The following TBCB variants were observed in gnomAD, a reference collection of about 807,000 sequenced individuals.
TBCB encodes the protein tubulin-folding cofactor B.
A neutral mutation model predicts 29.2 loss-of-function variants in TBCB; 18 were observed. That is an observed-to-expected ratio of 0.62 (90% CI 0.43 to 0.91). The LOEUF (loss-of-function observed/expected upper bound fraction) is 0.91. TBCB is among the 40% of genes least tolerant of loss of function. The probability of loss-of-function intolerance (pLI) is 0.00; values close to 1 mark genes in which losing one functional copy is unlikely to be tolerated. For missense variants in TBCB, 336 were observed against 337.6 expected, an observed-to-expected ratio of 1.00 and a Z score of 0.04; for synonymous variants, 172 against 137.8, an observed-to-expected ratio of 1.25 and a Z score of -1.74.
chr19:36,124,312 C>G lies in TBCB; in HGVS notation c.548-1139C>G, dbSNP rs188499583. Among the ~76,000 whole-genome samples the G allele has an allele frequency of 3.7e-3, 562 of 152,234 alleles. 3 individuals carry two copies. The highest frequency in any genetic ancestry group is 0.016 in the Admixed American group (241 of 15,276). Reference sequence around the variant, plus strand: ...CTCAGCTCACTGCATCCTCTGCCTCCCGGGTTCAAGCAATTCTCATGCCTC... The same window carrying G: ...CTCAGCTCACTGCATCCTCTGCCTCGCGGGTTCAAGCAATTCTCATGCCTC... On this transcript the variant is annotated intron_variant, in intron 4 of 5. Transcript: ENST00000221855.
rs755612213 is a variant in TBCB, at chr19:36,125,734, GAC to G, written c.688_689del (p.Thr230GlyfsTer26). The G allele has an allele frequency of 1.3e-6, 2 of 1,571,478 alleles. No homozygotes were observed. The highest frequency in any genetic ancestry group is 1.7e-6 in the Non-Finnish European group (2 of 1,158,990). Reference sequence around the variant, plus strand: ...GCGCCTTTGTCAAGCCAGCAGTCGTGACGGTGGGGGACTTCCCGGAGGAGGAC... The same window carrying G: ...GCGCCTTTGTCAAGCCAGCAGTCGTGGGTGGGGGACTTCCCGGAGGAGGAC... Reference protein sequence around the residue: ...YGAFVKPAVVTVGDFPEEDYG... With the variant: ...YGAFVKPAVVXVGDFPEEDYG... On this transcript the variant is annotated frameshift_variant, in exon 6 of 6. Transcript: ENST00000221855. LOFTEE classifies it high-confidence loss of function.
intron 2 of TBCB, among the ~76,000 whole-genome samples, chr19:36,119,184 C>G (rs927549397): frequency 1.3e-5 from 2 of 152,168 alleles, no homozygotes; most frequent in Admixed American, 6.5e-5. Flanking sequence ...TTCTAAAATT[C>G]TTTTTCTCTT....
chr19:36,118,006 T>C (rs1973983596), intron 2 of TBCB: 1 of 151,970 alleles, frequency 6.6e-6, no homozygotes, highest in Non-Finnish European at 1.5e-5. Context: ...CCTCAGGTAA[T>C]CCGCCCACCT....
Position 36,115,538 on chromosome 19 carries a change from A to G in TBCB, c.-23A>G. ...GTGTGAGGCGGCTGGACCGCGCTGC[A>G]GGCATCCGCAGGGCGCGGCAAGATG... is the stretch of plus-strand genomic sequence containing the variant. On this transcript the variant is annotated 5_prime_UTR_variant, in exon 1 of 6. Coordinates refer to ENST00000221855, the MANE Select transcript of TBCB (RefSeq NM_001281.3). 6.4e-7 allele frequency: 1 copy of G among 1,566,368 alleles called. No homozygotes were observed. Among genetic ancestry groups the G allele is most frequent in the Non-Finnish European group, 8.7e-7 (1 of 1,150,998 alleles).
chr19:36,119,772 A>G (rs1330997276), intron 2 of TBCB, among the ~76,000 whole-genome samples: 1 of 151,824 alleles, frequency 6.6e-6, no homozygotes, highest in Non-Finnish European at 1.5e-5. Context: ...GTGTGCCTAT[A>G]GTTTCAGCTG....
At chr19:36,115,949 C>G in intron 1 of TBCB, 92 bp from the exon 2 acceptor site, 1 of 1,541,006 alleles carries the variant, frequency 6.5e-7, no homozygotes, top group Non-Finnish European at 8.8e-7. Flanking sequence ...ACTGGGGGGT[C>G]TTTTGGAGGA....
chr19:36,125,622 C>T (rs201692898), intron 5 of TBCB, 46 bp from the exon 6 acceptor site: 4 of 1,606,730 alleles, frequency 2.5e-6, no homozygotes, highest in Non-Finnish European at 3.4e-6. Flanking sequence ...AGAGTGGAGC[C>T]ATGTGAGGGT....
intron 4 of TBCB, 77 bp downstream of exon 4, chr19:36,121,795 T>C: frequency 6.6e-7 from 1 of 1,522,860 alleles, no homozygotes; most frequent in Non-Finnish European, 8.9e-7. Context: ...CAGTGGAGCC[T>C]CGGAGACCAC....
At chr19:36,120,833 GCGT>G in intron 3 of TBCB, 27 bp downstream of exon 3, 1 of 1,609,964 alleles carries the variant, frequency 6.2e-7, no homozygotes. Flanking sequence ...GTCGAGGGGT[GCGT>G]GGGGGCCAGA....
intron 4 of TBCB, among the ~76,000 whole-genome samples, chr19:36,122,979 C>G (rs76559835): frequency 0.014 from 2,156 of 152,244 alleles, 117 homozygotes; most frequent in South Asian, 0.12. Context: ...CCCCAGTCGT[C>G]TTCAGCCACT....
intron 4 of TBCB, among the ~76,000 whole-genome samples, chr19:36,122,572 A>C (rs977277138): frequency 4.4e-5 from 2 of 45,010 alleles, no homozygotes; most frequent in Non-Finnish European, 9.3e-5. Flanking sequence ...CTGTCTCTAC[A>C]AAAAAAAAAA....
chr19:36,121,880 G>A (rs1422582923), intron 4 of TBCB, 162 bp downstream of exon 4: 3 of 899,586 alleles, frequency 3.3e-6, no homozygotes, highest in Admixed American at 2.4e-5. Flanking sequence ...ACCATCTGCC[G>A]ACACTGACGG....
chr19:36,121,590 A>C lies in TBCB; in HGVS notation c.419A>C (p.Gln140Pro). ...LGRYNEEERA[Q>P]QEAEAAQRLA... ...CGGTACAACGAGGAGGAGCGGGCTC[A>C]GCAGGAGGCCGAGGCCGCCCAGCGC... is the stretch of plus-strand genomic sequence containing the variant. The change falls in exon 4 of 6, where the codon CAG becomes CCG. Residue 140 changes from glutamine (Q) to proline (P), a missense_variant. Transcript: ENST00000221855. 3 of 1,556,656 alleles carry C rather than the reference A, an allele frequency of 1.9e-6. No homozygotes were observed. The highest frequency in any genetic ancestry group is 2.6e-6 in the Non-Finnish European group (3 of 1,151,696).
chr19:36,115,188 G>T (rs1599861329), upstream of TBCB: 9 of 546,518 alleles, frequency 1.6e-5, no homozygotes, highest in Non-Finnish European at 2.6e-5. Flanking sequence ...AAGGCGCTTG[G>T]CTTGGTTGAA....
chr19:36,120,375 G>C (rs200864904), intron 2 of TBCB: 1 of 278,648 alleles, frequency 3.6e-6, no homozygotes, highest in East Asian at 8.0e-5. Flanking sequence ...GCCCATCGAG[G>C]AGATGCGCTG....
chr19:36,122,348 G>A (rs1974069772), intron 4 of TBCB, among the ~76,000 whole-genome samples: 1 of 151,922 alleles, frequency 6.6e-6, no homozygotes, highest in Admixed American at 6.6e-5. Context: ...GGGAGAACAA[G>A]GTGGGAGGCT....
chr19:36,115,231 G>T, upstream of TBCB: 1 of 535,504 alleles, frequency 1.9e-6, no homozygotes, highest in South Asian at 2.4e-5. Context: ...TACCCTTCGC[G>T]GACTGGGCGA....
Position 36,120,819 on chromosome 19 carries a change from G to T in TBCB, c.355+13G>T. 1.9e-6 allele frequency: 3 copies of T among 1,613,496 alleles called. No homozygotes were observed. The highest frequency in any genetic ancestry group is 1.7e-5 in the Admixed American group (1 of 59,986). On this transcript the variant is annotated intron_variant, in intron 3 of 5. Transcript: ENST00000221855. ...GACCAGAGGCAAGGTACGGGCAGGTGGGCGTCGAGGGGTGCGTGGGGGCCA... is the reference window on the plus strand; with the variant it reads ...GACCAGAGGCAAGGTACGGGCAGGTTGGCGTCGAGGGGTGCGTGGGGGCCA...
chr19:36,115,696 C>T, intron 1 of TBCB, 22 bp downstream of exon 1: 1 of 1,502,452 alleles, frequency 6.7e-7, no homozygotes. Flanking sequence ...GGGGCGGGGT[C>T]CGGAGGGGCG....
Sources: gnomAD v4.1 joint callset for allele counts (sites outside exome capture counted in the v4.1 genomes callset) on GRCh38, gnomAD v4.1.1 for gene constraint, MANE v1.5 for transcripts, NCBI Gene and HGNC (gene_info 2026-07-23, HGNC 2026-07-21) for gene names.